Variants in CNTNAP2 observed in about 807,000 individuals in gnomAD.
CNTNAP2 encodes the protein contactin-associated protein-like 2.
CNTNAP2 carries 98 observed loss-of-function variants against 155.2 expected under a neutral mutation model. That is an observed-to-expected ratio of 0.63 (90% CI 0.54 to 0.75). The LOEUF (loss-of-function observed/expected upper bound fraction) is 0.75, where lower values mean the gene tolerates loss of function less well. Among genes scored for constraint, CNTNAP2 ranks in the 30% least tolerant of loss-of-function variants. CNTNAP2 has a pLI of 0.00. For missense variants in CNTNAP2, 1,727 were observed against 1,688.1 expected (o/e 1.02, Z -0.40); for synonymous variants, 651 against 631.2 (o/e 1.03, Z -0.47).
At chr7:146,383,741 T>C (rs1399864736) in intron 1 of CNTNAP2, among the ~76,000 whole-genome samples, 2 of 152,214 alleles carry the variant, frequency 1.3e-5, no homozygotes, top group Admixed American at 1.3e-4. Flanking sequence ...ATTCTGACCA[T>C]AGACATTTTG....
intron 1 of CNTNAP2, among the ~76,000 whole-genome samples, chr7:146,318,795 T>A (rs1416730135): frequency 6.6e-6 from 1 of 152,134 alleles, no homozygotes; most frequent in Non-Finnish European, 1.5e-5. Flanking sequence ...AATACTTAAA[T>A]ATGTAAATTG....
intron 8 of CNTNAP2, among the ~76,000 whole-genome samples, chr7:147,155,368 A>C (rs1350284644): frequency 2.6e-5 from 4 of 151,956 alleles, no homozygotes; most frequent in Non-Finnish European, 5.9e-5. Flanking sequence ...TAAGCCACCC[A>C]CTCTATGCTA....
chr7:146,631,231 G>A (rs974977379), intron 1 of CNTNAP2, among the ~76,000 whole-genome samples: 2 of 152,034 alleles, frequency 1.3e-5, no homozygotes, highest in African/African-American at 4.8e-5. Flanking sequence ...AATGGAACAG[G>A]ACTGTGTTCT....
At chr7:147,225,830 GGAAGGAAGGAGGGAAA>G (rs879538058) in intron 8 of CNTNAP2, among the ~76,000 whole-genome samples, 13,143 of 107,538 alleles carry the variant, frequency 0.12, 1,069 homozygotes, top group Middle Eastern at 0.16. Context: ...AAGGAAAGAA[GGAAGGAAGGAGGGAAA>G]GAAGGAAGGA....
chr7:147,027,004 G>GAAAAA (rs57810224), intron 3 of CNTNAP2, among the ~76,000 whole-genome samples: 6 of 67,442 alleles, frequency 8.9e-5, no homozygotes, highest in African/African-American at 1.2e-4. Flanking sequence ...AAACAGAACA[G>GAAAAA]AAAAAAAAAA....
At chr7:147,842,403 A>G (rs921827457) in intron 13 of CNTNAP2, among the ~76,000 whole-genome samples, 8 of 152,210 alleles carry the variant, frequency 5.3e-5, no homozygotes, top group African/African-American at 1.7e-4. Flanking sequence ...CACATATTCT[A>G]TGTTAATAAT....
intron 13 of CNTNAP2, among the ~76,000 whole-genome samples, chr7:147,842,581 AC>A (rs1798766578): frequency 5.3e-5 from 3 of 56,520 alleles, no homozygotes; most frequent in South Asian, 8.5e-4. Flanking sequence ...TTTACTTTTT[AC>A]TTTTCTTTTT....
intron 1 of CNTNAP2, among the ~76,000 whole-genome samples, chr7:146,341,204 A>G (rs1801377627): frequency 6.6e-6 from 1 of 152,164 alleles, no homozygotes; most frequent in Non-Finnish European, 1.5e-5. Context: ...TTTTTACAGA[A>G]TGATCAGATT....
intron 1 of CNTNAP2, among the ~76,000 whole-genome samples, chr7:146,732,468 C>T (rs1293349668): frequency 6.6e-6 from 1 of 152,086 alleles, no homozygotes; most frequent in African/African-American, 2.4e-5. Flanking sequence ...CTATTTTCCT[C>T]TCTTGTTGGA....
At chr7:148,256,345 A>G (rs1452039536) in intron 20 of CNTNAP2, among the ~76,000 whole-genome samples, 3 of 152,274 alleles carry the variant, frequency 2.0e-5, no homozygotes, top group East Asian at 3.9e-4. Context: ...GTAGCAGAAC[A>G]TCTTCAAAGA....
intron 4 of CNTNAP2, among the ~76,000 whole-genome samples, chr7:147,074,156 A>G (rs1799951547): frequency 6.6e-6 from 1 of 152,114 alleles, no homozygotes; most frequent in South Asian, 2.1e-4. Context: ...CAGCCCCTCA[A>G]AACCAACGTG....
At chr7:148,399,550 A>AT (rs1244812891) in intron 22 of CNTNAP2, among the ~76,000 whole-genome samples, 1 of 152,136 alleles carries the variant, frequency 6.6e-6, no homozygotes, top group Non-Finnish European at 1.5e-5. Context: ...TTCAACTTGT[A>AT]TTTTTGCTTT....
At chr7:146,940,090 T>A (rs1797018439) in intron 3 of CNTNAP2, among the ~76,000 whole-genome samples, 1 of 152,220 alleles carries the variant, frequency 6.6e-6, no homozygotes, top group South Asian at 2.1e-4. Flanking sequence ...CTTATTGCCA[T>A]AGAGTTAGAA....
intron 16 of CNTNAP2, among the ~76,000 whole-genome samples, chr7:148,133,360 G>A (rs1442209751): frequency 6.6e-6 from 1 of 152,158 alleles, no homozygotes; most frequent in Non-Finnish European, 1.5e-5. Flanking sequence ...TACTCAGGAG[G>A]CTGAGGCAGG....
intron 14 of CNTNAP2, among the ~76,000 whole-genome samples, chr7:147,975,729 T>G (rs996654570): frequency 6.6e-6 from 1 of 150,850 alleles, no homozygotes; most frequent in South Asian, 2.1e-4. Flanking sequence ...TCCTCTTGCA[T>G]GTTTCTTTGC....
intron 19 of CNTNAP2, among the ~76,000 whole-genome samples, chr7:148,228,552 G>C (rs574717266): frequency 6.6e-6 from 1 of 152,220 alleles, no homozygotes; most frequent in East Asian, 1.9e-4. Context: ...GGCCAGGAGC[G>C]TCGGCTCACG....
intron 13 of CNTNAP2, among the ~76,000 whole-genome samples, chr7:147,875,692 G>A (rs1799410510): frequency 6.6e-6 from 1 of 152,038 alleles, no homozygotes; most frequent in African/African-American, 2.4e-5. Context: ...ATGAGTTCAA[G>A]GCCAGCCTGG....
At chr7:147,240,418 G>A (rs182380154) in intron 8 of CNTNAP2, among the ~76,000 whole-genome samples, 1 of 152,320 alleles carries the variant, frequency 6.6e-6, no homozygotes, top group East Asian at 1.9e-4. Context: ...AATAAACAAG[G>A]TGATTAGCTC....
rs753364227 is a variant in CNTNAP2, at chr7:147,765,623, G to A, written c.2098+126317G>A. Among the ~76,000 whole-genome samples, 23 of 152,076 alleles carry A rather than the reference G, an allele frequency of 1.5e-4. 1 individual carries two copies. The highest frequency in any genetic ancestry group is 2.8e-4 in the Non-Finnish European group (19 of 68,022). On this transcript the variant is annotated intron_variant, in intron 13 of 23. Transcript: ENST00000361727. ...GAGAAATAGCGAGTTATACATCGCC[G>A]TTTGGGATGTAAAATGTTATGAACA...
Sources: gnomAD v4.1 joint callset for allele counts (sites outside exome capture counted in the v4.1 genomes callset) on GRCh38, gnomAD v4.1.1 for gene constraint, MANE v1.5 for transcripts, NCBI Gene and HGNC (gene_info 2026-07-23, HGNC 2026-07-21) for gene names.